The following BCAS3 variants were observed in gnomAD, a reference collection of about 807,000 sequenced individuals.
BCAS3 encodes BCAS3 microtubule associated cell migration factor.
BCAS3 carries 53 observed loss-of-function variants against 116.1 expected under a neutral mutation model. That is an observed-to-expected ratio of 0.46 (90% CI 0.37 to 0.57). The LOEUF (loss-of-function observed/expected upper bound fraction) is 0.57. Ranked by LOEUF, BCAS3 falls within the 20% of genes least tolerant of loss-of-function variation. BCAS3 has a pLI of 0.00. For missense variants in BCAS3, 917 were observed against 1,165.4 expected, an observed-to-expected ratio of 0.79 and a Z score of 3.10; for synonymous variants, 391 against 408.2, an observed-to-expected ratio of 0.96 and a Z score of 0.51.
rs1386990998 is a variant in BCAS3 at position 60,974,990 on chromosome 17, TGCTTTTTTG to T, written c.1222-14980_1222-14972del. Among the ~76,000 whole-genome samples, 221 of 137,062 alleles carry T rather than the reference TGCTTTTTTG, an allele frequency of 1.6e-3. 3 individuals are homozygous for T. The highest frequency in any genetic ancestry group is 7.8e-3 in the African/African-American group (214 of 27,488). 89.9% of individuals were successfully genotyped at this position (137,062 alleles called of 152,430 possible). ...AGCCATTTGTTTTTTTTGTTTTTTTTGCTTTTTTGTTTTTTTTTTTTTGAGACGGAGTCT... is the reference window on the plus strand; with the variant it reads ...AGCCATTTGTTTTTTTTGTTTTTTTTTTTTTTTTTTTTTGAGACGGAGTCT... On this transcript the variant is annotated intron_variant, in intron 14 of 23. Transcript: ENST00000407086.
Position 61,239,507 on chromosome 17 carries a change from T to A in BCAS3, c.2426-128820T>A, listed in dbSNP as rs139938380. 9.7e-4 allele frequency among the ~76,000 whole-genome samples: 148 copies of A among 152,362 alleles called. 2 individuals are homozygous for A. In the East Asian group the frequency reaches 0.021, roughly 22 times the overall value. On this transcript the variant is annotated intron_variant, in intron 22 of 23. Transcript: ENST00000407086. This position sits in a 1 kb window ranked among gnomAD's most constrained non-coding sequence, Gnocchi z 4.2. Reference sequence around the variant, plus strand: ...GGAAATTTGGTCTAGTGATGAGTAATTCTTTCTTTCTGACGTTAATCATTT... The same window carrying A: ...GGAAATTTGGTCTAGTGATGAGTAAATCTTTCTTTCTGACGTTAATCATTT...
intron 16 of BCAS3, among the ~76,000 whole-genome samples, chr17:61,016,235 G>A (rs1386112075): frequency 1.3e-5 from 2 of 152,096 alleles, no homozygotes; most frequent in Non-Finnish European, 2.9e-5. Flanking sequence ...GGCTCTTTCG[G>A]GATTTGAAAT....
intron 9 of BCAS3, among the ~76,000 whole-genome samples, chr17:60,887,774 A>T (rs2056829105): frequency 6.6e-6 from 1 of 152,120 alleles, no homozygotes; most frequent in Non-Finnish European, 1.5e-5. Context: ...TGTTTTTTGA[A>T]ATGAATTCAG....
In BCAS3 at chr17:61,200,375, C is replaced by T. The variant is rs1428094065; in HGVS notation, c.2425+115811C>T. Among the ~76,000 whole-genome samples, 2 of 152,218 alleles carry T rather than the reference C, an allele frequency of 1.3e-5. No individual in the cohort carries two copies. Among genetic ancestry groups the T allele is most frequent in the Admixed American group, 6.5e-5 (1 of 15,286 alleles). On this transcript the variant is annotated intron_variant, in intron 22 of 23. Coordinates refer to ENST00000407086, the MANE Select transcript of BCAS3 (RefSeq NM_017679.5). The surrounding 1 kb of genome is among the most constrained non-coding windows in gnomAD (Gnocchi z 5.1). ...AGTGACAACTAACATCAATTTGGCA[C>T]TTACTATTGACAAAGCATTATTTAT...
At chr17:60,751,041 G>A (rs11655927) in intron 6 of BCAS3, among the ~76,000 whole-genome samples, 109,978 of 152,148 alleles carry the variant, frequency 0.72, 45,444 homozygotes, top group South Asian at 0.98. Flanking sequence ...AATTTAAGAC[G>A]TGGAAGAAAA....
At position 61,026,816 on chromosome 17, in the gene BCAS3, A is replaced by G; in HGVS notation, c.1638-7850A>G. ...GATATACTTGTATTTGCTAATGTTAAATGAGTTTTTCTCTAATTTTTTGTG... is the reference window on the plus strand; with the variant it reads ...GATATACTTGTATTTGCTAATGTTAGATGAGTTTTTCTCTAATTTTTTGTG... On this transcript the variant is annotated intron_variant, in intron 16 of 23. Transcript: ENST00000407086. This position sits in a 1 kb window ranked among gnomAD's most constrained non-coding sequence, Gnocchi z 5.0. The G allele has an allele frequency of 6.6e-7, 1 of 1,510,830 alleles. No homozygotes were observed. Among genetic ancestry groups the G allele is most frequent in the Non-Finnish European group, 9.1e-7 (1 of 1,104,598 alleles). The allele number at this position is 1,510,830 out of a possible 1,614,324, so 93.6% of individuals were successfully genotyped here.
At chr17:60,950,902 G>C (rs777001572) in intron 14 of BCAS3, among the ~76,000 whole-genome samples, 1 of 152,104 alleles carries the variant, frequency 6.6e-6, no homozygotes, top group Non-Finnish European at 1.5e-5. Context: ...TTTATTGTTC[G>C]TTTTCAAAAG....
chr17:60,876,353 A>G (rs1267658056), intron 9 of BCAS3, among the ~76,000 whole-genome samples: 1 of 152,020 alleles, frequency 6.6e-6, no homozygotes, highest in Non-Finnish European at 1.5e-5. Context: ...CGTGACCAGA[A>G]TGGCCTTTTC....
At chr17:60,918,824 C>G (rs910520366) in intron 12 of BCAS3, among the ~76,000 whole-genome samples, 12 of 151,780 alleles carry the variant, frequency 7.9e-5, no homozygotes, top group African/African-American at 2.4e-4. Flanking sequence ...TCCTGAGTAG[C>G]TGGGACTACA....
At chr17:61,236,869 G>A (rs1345829972) in intron 22 of BCAS3, among the ~76,000 whole-genome samples, 1 of 152,026 alleles carries the variant, frequency 6.6e-6, no homozygotes, top group African/African-American at 2.4e-5. Context: ...TATGCAGCAG[G>A]AACAACACAA....
At chr17:60,838,518 G>A (rs1183539588) in intron 7 of BCAS3, among the ~76,000 whole-genome samples, 1 of 151,572 alleles carries the variant, frequency 6.6e-6, no homozygotes, top group Non-Finnish European at 1.5e-5. Context: ...ATAGTGAAAA[G>A]CAGCCCAAAT....
chr17:60,699,371 C>T (rs996386980), intron 4 of BCAS3, among the ~76,000 whole-genome samples: 9 of 152,158 alleles, frequency 5.9e-5, no homozygotes, highest in African/African-American at 1.7e-4. Flanking sequence ...TGCACCATCA[C>T]GCCCAGCTAA....
chr17:61,134,743 A>G lies in BCAS3; in HGVS notation c.2425+50179A>G, dbSNP rs981807262. Among the ~76,000 whole-genome samples, 2 of 152,198 alleles carry G rather than the reference A, an allele frequency of 1.3e-5. No individual in the cohort carries two copies. The highest frequency in any genetic ancestry group is 6.5e-5 in the Admixed American group (1 of 15,276). ...AACCTTCAAAACAATCCTTTTTGAC[A>G]TCAGTTTTTTGTTCCTAAGAAAAGT... On this transcript the variant is annotated intron_variant, in intron 22 of 23. Transcript: ENST00000407086. This position sits in a 1 kb window ranked among gnomAD's most constrained non-coding sequence, Gnocchi z 4.6.
chr17:60,747,330 G>T (rs760542185), intron 6 of BCAS3, 51 bp downstream of exon 6: 7 of 1,464,086 alleles, frequency 4.8e-6, no homozygotes, highest in Non-Finnish European at 6.7e-6. Context: ...TTTCTCTTTT[G>T]TTGGTCTTGG....
intron 22 of BCAS3, among the ~76,000 whole-genome samples, chr17:61,305,643 C>A (rs1413536368): frequency 6.6e-6 from 1 of 152,210 alleles, no homozygotes. Flanking sequence ...TGCCTGTAAT[C>A]CCAGCACTCT....
At chr17:60,709,397 C>CTTTT in intron 5 of BCAS3, 72 bp downstream of exon 5, 1 of 805,632 alleles carries the variant, frequency 1.2e-6, no homozygotes, top group Non-Finnish European at 1.9e-6. Flanking sequence ...TCTGTAGATA[C>CTTTT]TTTTTTTTTT....
rs913733377 is a variant in BCAS3 at position 60,792,053 on chromosome 17, G to A, written c.404-15951G>A. Among the ~76,000 whole-genome samples, 9 of 152,314 alleles carry A rather than the reference G, an allele frequency of 5.9e-5. No homozygotes were observed. In the South Asian group the frequency reaches 1.7e-3, roughly 28 times the overall value. ...CAGGAGAATTGCTTGAACCCGGGAG[G>A]TGGAGGTTGCAGTGAGCCGAGATCG... On this transcript the variant is annotated intron_variant, in intron 6 of 23. Transcript: ENST00000407086.
intron 6 of BCAS3, among the ~76,000 whole-genome samples, chr17:60,799,545 T>TTTTTTTTTTTG (rs2047540264): frequency 7.0e-6 from 1 of 142,012 alleles, no homozygotes; most frequent in African/African-American, 2.7e-5. Flanking sequence ...TTTTTTTTTT[T>TTTTTTTTTTTG]GGAGACAGAG....
chr17:60,725,398 G>A (rs2039715334), intron 5 of BCAS3, among the ~76,000 whole-genome samples: 1 of 151,904 alleles, frequency 6.6e-6, no homozygotes, highest in Admixed American at 6.6e-5. Context: ...ATTTTTATTA[G>A]AATAGTACCA....
Sources: allele counts gnomAD v4.1 joint callset (sites outside exome capture counted in the v4.1 genomes callset), GRCh38; gene constraint gnomAD v4.1.1; non-coding constraint Gnocchi (gnomAD v3.1); transcripts MANE v1.5; gene names NCBI Gene and HGNC (gene_info 2026-07-23, HGNC 2026-07-21).